KCNU1: variants seen among roughly 807,000 people sequenced by gnomAD.
The protein encoded by KCNU1 is potassium calcium-activated channel subfamily U member 1.
In KCNU1, 93 loss-of-function variants were observed where a neutral mutation model predicts 126.8. That is an observed-to-expected ratio of 0.73 (90% CI 0.62 to 0.87). KCNU1 has a LOEUF of 0.87. Among genes scored for constraint, KCNU1 ranks in the 40% least tolerant of loss-of-function variants. KCNU1 has a pLI of 0.00. For synonymous variants in KCNU1, 523 were observed against 494.2 expected (o/e 1.06, Z -0.77); for missense variants, 1,330 against 1,367.1 (o/e 0.97, Z 0.43).
At chr8:36,807,170 A>G (rs1179064797) in intron 5 of KCNU1, among the ~76,000 whole-genome samples, 2 of 152,236 alleles carry the variant, frequency 1.3e-5, no homozygotes, top group African/African-American at 4.8e-5. Context: ...GAACTAGAGA[A>G]GGCGAGGGGA....
At position 36,841,013 on chromosome 8, in the gene KCNU1, A is replaced by T; in HGVS notation, c.1703+10A>T. On this transcript the variant is annotated intron_variant, in intron 16 of 26. Transcript: ENST00000399881. ...TTACGGATGGTTTCTGGTACCAATA[A>T]GTCTGCTCATCTCTTCAGTTGTTTT... The T allele has an allele frequency of 7.0e-7, 1 of 1,419,016 alleles. No individual in the cohort carries two copies. The highest frequency in any genetic ancestry group is 1.0e-6 in the Non-Finnish European group (1 of 1,004,396). The allele number at this position is 1,419,016 out of a possible 1,614,324, so 87.9% of individuals were successfully genotyped here. A position where few individuals can be genotyped will look rare whatever the true frequency, so the allele number is the denominator to read the frequency against.
intron 19 of KCNU1, among the ~76,000 whole-genome samples, chr8:36,874,535 C>T (rs916230239): frequency 7.2e-5 from 11 of 152,096 alleles, no homozygotes; most frequent in African/African-American, 7.2e-5. Context: ...GGTGCCACCA[C>T]GTGCCCTCCC....
intron 24 of KCNU1, chr8:36,923,154 TG>T (rs1461486099): frequency 2.3e-6 from 1 of 440,832 alleles, no homozygotes; most frequent in Non-Finnish European, 4.6e-6. Flanking sequence ...TTTAGCCACC[TG>T]GCAGACCTTT....
At chr8:36,898,611 AT>A (rs1304300874) in intron 19 of KCNU1, among the ~76,000 whole-genome samples, 1 of 152,084 alleles carries the variant, frequency 6.6e-6, no homozygotes, top group African/African-American at 2.4e-5. Context: ...TGAAATTTGC[AT>A]TTGTTTCAGT....
intron 10 of KCNU1, among the ~76,000 whole-genome samples, chr8:36,819,924 A>G (rs1376552814): frequency 6.6e-6 from 1 of 152,166 alleles, no homozygotes. Context: ...AACACAGAAG[A>G]TGTGACACTT....
rs1434602552 is a variant in KCNU1, at chr8:36,935,428, C to T, written c.3045-87C>T. Reference sequence around the variant, plus strand: ...AAAAACGTTTCCTCTTTGGGCCCAGCAAAATGACCTCTTTATTTGGGTCAC... The same window carrying T: ...AAAAACGTTTCCTCTTTGGGCCCAGTAAAATGACCTCTTTATTTGGGTCAC... On this transcript the variant is annotated intron_variant, in intron 26 of 26. Coordinates refer to ENST00000399881, the MANE Select transcript of KCNU1 (RefSeq NM_001031836.3). The T allele has an allele frequency of 2.8e-6, 3 of 1,078,064 alleles. No individual in the cohort carries two copies. In the East Asian group the frequency reaches 7.1e-5, roughly 26 times the overall value. The allele number at this position is 1,078,064 out of a possible 1,614,324, so 66.8% of individuals were successfully genotyped here. A position where few individuals can be genotyped will look rare whatever the true frequency, so the allele number is the denominator to read the frequency against.
At chr8:36,799,504 A>C (rs560855823) in intron 2 of KCNU1, among the ~76,000 whole-genome samples, 6 of 148,752 alleles carry the variant, frequency 4.0e-5, no homozygotes, top group African/African-American at 1.5e-4. Context: ...TAGAATGCCC[A>C]TTATAGTTGT....
At chr8:36,929,038 T>C in intron 24 of KCNU1, 1 of 699,164 alleles carries the variant, frequency 1.4e-6, no homozygotes, top group South Asian at 1.5e-5. Flanking sequence ...CAAGCAATGC[T>C]AAAAGGTAAG....
chr8:36,824,129 A>G (rs1204200519), intron 10 of KCNU1, among the ~76,000 whole-genome samples: 4 of 152,120 alleles, frequency 2.6e-5, no homozygotes, highest in East Asian at 3.9e-4. Flanking sequence ...GAGCCACCAC[A>G]CCCGGCCCCT....
At chr8:36,809,604 C>T (rs1403382354) in intron 7 of KCNU1, among the ~76,000 whole-genome samples, 6 of 152,140 alleles carry the variant, frequency 3.9e-5, no homozygotes. Context: ...TCTCTACATC[C>T]TCCTCAGCAC....
At chr8:36,915,191 T>C (rs1808051001) in intron 22 of KCNU1, among the ~76,000 whole-genome samples, 1 of 152,242 alleles carries the variant, frequency 6.6e-6, no homozygotes, top group African/African-American at 2.4e-5. Context: ...AAGGGGGATT[T>C]ACCCATAGAG....
Position 36,832,017 on chromosome 8 carries a change from A to C in KCNU1, c.1107-1537A>C, listed in dbSNP as rs567011782. Among the ~76,000 whole-genome samples the C allele has an allele frequency of 2.0e-5, 3 of 152,302 alleles. No homozygotes were observed. In the East Asian group the frequency reaches 5.8e-4, roughly 29 times the overall value. On this transcript the variant is annotated intron_variant, in intron 10 of 26. Transcript: ENST00000399881. ...TCCCAGCACCATTTATTAAATAGGG[A>C]ATCCTTTTTCCATTGCTTGTTTTTC...
intron 21 of KCNU1, 61 bp downstream of exon 21, chr8:36,909,596 A>AT: frequency 2.1e-6 from 2 of 939,326 alleles, no homozygotes; most frequent in Non-Finnish European, 3.4e-6. Context: ...TAGGACTAGA[A>AT]TTAATAATGA....
chr8:36,888,134 C>T (rs943402949), intron 19 of KCNU1, among the ~76,000 whole-genome samples: 1 of 151,962 alleles, frequency 6.6e-6, no homozygotes, highest in Non-Finnish European at 1.5e-5. Context: ...CAGAAACAAA[C>T]TAAGAGATGA....
Position 36,905,580 on chromosome 8 carries a change from G to A in KCNU1, c.2010-128G>A, listed in dbSNP as rs1441268125. On this transcript the variant is annotated intron_variant, in intron 19 of 26. Transcript: ENST00000399881. ...TAAGCCTTTATTCTAGAGTCTTACA[G>A]ACCTGAGGTCATTCTACTTATGCTA... is the stretch of plus-strand genomic sequence containing the variant. 7 of 668,034 alleles carry A rather than the reference G, an allele frequency of 1.0e-5. No homozygotes were observed. In the East Asian group the frequency reaches 1.1e-4, roughly 10 times the overall value. The allele number at this position is 668,034 out of a possible 1,614,324, so 41.4% of individuals were successfully genotyped here. A position where few individuals can be genotyped will look rare whatever the true frequency, so the allele number is the denominator to read the frequency against.
intron 2 of KCNU1, 141 bp from the exon 3 acceptor site, chr8:36,803,886 G>T (rs1349714168): frequency 2.9e-6 from 2 of 680,714 alleles, no homozygotes; most frequent in Non-Finnish European, 5.2e-6. Context: ...ATGAATGAAT[G>T]AATGAATACT....
intron 1 of KCNU1, 114 bp from the exon 2 acceptor site, chr8:36,787,192 A>C (rs1802736420): frequency 1.1e-6 from 1 of 883,320 alleles, no homozygotes; most frequent in Non-Finnish European, 1.6e-6. Flanking sequence ...GGTTTGGACA[A>C]GGTGGAGTGA....
At chr8:36,898,188 A>C (rs983246845) in intron 19 of KCNU1, among the ~76,000 whole-genome samples, 8 of 152,132 alleles carry the variant, frequency 5.3e-5, no homozygotes, top group African/African-American at 1.7e-4. Flanking sequence ...GGATAAGAAG[A>C]CTTCACAAAT....
intron 26 of KCNU1, among the ~76,000 whole-genome samples, chr8:36,933,766 T>C (rs1467362379): frequency 6.6e-6 from 1 of 151,962 alleles, no homozygotes; most frequent in Non-Finnish European, 1.5e-5. Flanking sequence ...ACAGCAACAA[T>C]TTTTTTGGCC....
Sources: allele counts gnomAD v4.1 joint callset (sites outside exome capture counted in the v4.1 genomes callset), GRCh38; gene constraint gnomAD v4.1.1; transcripts MANE v1.5; gene names NCBI Gene and HGNC (gene_info 2026-07-23, HGNC 2026-07-21).